The following MCC variants were observed in gnomAD, a reference collection of about 807,000 sequenced individuals.
MCC encodes the protein colorectal mutant cancer protein.
In MCC, 90 loss-of-function variants were observed where a neutral mutation model predicts 116.2. The observed-to-expected ratio is 0.77, with a 90% CI of 0.65 to 0.92. The LOEUF is 0.92. Among genes scored for constraint, MCC ranks in the 40% least tolerant of loss-of-function variants. The pLI is 0.00. For synonymous variants in MCC, 578 were observed against 510.5 expected (o/e 1.13, Z -1.78); for missense variants, 1,516 against 1,312.2 (o/e 1.16, Z -2.40).
chr5:113,290,818 G>C (rs1351231308), intron 3 of MCC, among the ~76,000 whole-genome samples: 1 of 152,116 alleles, frequency 6.6e-6, no homozygotes, highest in African/African-American at 2.4e-5. Context: ...TTTAGTTTTT[G>C]CAATGCTTTT....
chr5:113,128,830 T>A (rs1399268965), intron 5 of MCC, among the ~76,000 whole-genome samples: 2 of 152,240 alleles, frequency 1.3e-5, no homozygotes, highest in African/African-American at 4.8e-5. Context: ...CATGTTTTGC[T>A]GGCAGACAAG....
chr5:113,177,545 G>A (rs1395892466), intron 3 of MCC, among the ~76,000 whole-genome samples: 3 of 152,090 alleles, frequency 2.0e-5, no homozygotes, highest in African/African-American at 4.8e-5. Flanking sequence ...AAACAAAAAG[G>A]AGCACTGAAA....
At chr5:113,295,563 T>TGAAAGATGTCGATAGG (rs1232997052) in intron 3 of MCC, among the ~76,000 whole-genome samples, 10 of 152,094 alleles carry the variant, frequency 6.6e-5, no homozygotes, top group Non-Finnish European at 1.0e-4. Context: ...CCCCAGACCT[T>TGAAAGATGTCGATAGG]CCTTAATTGA....
chr5:113,063,935 G>T, intron 14 of MCC, 49 bp downstream of exon 14: 1 of 1,558,550 alleles, frequency 6.4e-7, no homozygotes, highest in Non-Finnish European at 8.7e-7. Context: ...CCAGTGAACA[G>T]ATGCCATGTG....
At chr5:113,402,121 C>T (rs183724126) in intron 1 of MCC, among the ~76,000 whole-genome samples, 122 of 151,990 alleles carry the variant, frequency 8.0e-4, no homozygotes, top group Non-Finnish European at 1.4e-3. Context: ...GGTGGAATCC[C>T]GTCTCTACTA....
chr5:113,201,387 CAAAAAA>C (rs68052804), intron 3 of MCC, among the ~76,000 whole-genome samples: 1 of 128,280 alleles, frequency 7.8e-6, no homozygotes, highest in Non-Finnish European at 1.6e-5. Flanking sequence ...ACGCCATCTC[CAAAAAA>C]AAAAAAAAAA....
intron 1 of MCC, among the ~76,000 whole-genome samples, chr5:113,442,271 CAT>C (rs1220073596): frequency 2.6e-5 from 4 of 152,148 alleles, no homozygotes; most frequent in African/African-American, 9.7e-5. Flanking sequence ...AGCATTTTTT[CAT>C]ATGTTTGTTG....
At chr5:113,486,432 G>C (rs1053413951) in intron 1 of MCC, among the ~76,000 whole-genome samples, 8 of 152,182 alleles carry the variant, frequency 5.3e-5, no homozygotes, top group Non-Finnish European at 1.2e-4. Context: ...CGAAAATAAT[G>C]TGAGCATTTA....
intron 3 of MCC, among the ~76,000 whole-genome samples, chr5:113,203,526 C>G (rs1370825854): frequency 6.6e-6 from 1 of 151,814 alleles, no homozygotes; most frequent in South Asian, 2.1e-4. Context: ...CTGACCTGCC[C>G]GGGGGGCCAC....
chr5:113,027,016 T>A lies in MCC; in HGVS notation c.*286A>T, dbSNP rs1260617315. 15 of 352,008 alleles carry A rather than the reference T, an allele frequency of 4.3e-5. No homozygotes were observed. Among genetic ancestry groups the A allele is most frequent in the East Asian group, 4.6e-5 (1 of 21,522 alleles). 21.8% of individuals were successfully genotyped at this position (352,008 alleles called of 1,614,324 possible). ...CCAGACCAGAAGAGGAGGGGGAGAG[T>A]GAGTGCTGAAAGCAGAAACGAGGCT... is the stretch of plus-strand genomic sequence containing the variant. On this transcript the variant is annotated 3_prime_UTR_variant, in exon 19 of 19. Coordinates refer to ENST00000408903, the MANE Select transcript of MCC (RefSeq NM_001085377.2).
intron 14 of MCC, among the ~76,000 whole-genome samples, chr5:113,061,413 C>T (rs1056416956): frequency 1.3e-5 from 2 of 152,206 alleles, no homozygotes; most frequent in Non-Finnish European, 2.9e-5. Context: ...TTCCTATTTC[C>T]ACTTCCTAAC....
intron 3 of MCC, among the ~76,000 whole-genome samples, chr5:113,286,538 T>C (rs1766269770): frequency 6.6e-6 from 1 of 152,244 alleles, no homozygotes; most frequent in South Asian, 2.1e-4. Context: ...ATAAGTCCTA[T>C]GCGCGTTCCA....
intron 1 of MCC, among the ~76,000 whole-genome samples, chr5:113,476,897 G>A (rs147731405): frequency 1.5e-3 from 232 of 152,290 alleles, no homozygotes; most frequent in Middle Eastern, 0.014. Flanking sequence ...TATGTAGTAC[G>A]TCAATTATAT....
chr5:113,333,828 T>TACATATGTACATATATGTAC, intron 3 of MCC, among the ~76,000 whole-genome samples: 1 of 12,288 alleles, frequency 8.1e-5, no homozygotes, highest in African/African-American at 1.2e-4. Flanking sequence ...TACATATATG[T>TACATATGTACATATATGTAC]ATATATGTAT....
At chr5:113,064,300 C>T (rs1001823793) in intron 13 of MCC, 133 bp from the exon 14 acceptor site, 35 of 750,462 alleles carry the variant, frequency 4.7e-5, no homozygotes, top group South Asian at 1.9e-4. Flanking sequence ...AGTGCCCAGC[C>T]GAAGAGAAGA....
intron 3 of MCC, among the ~76,000 whole-genome samples, chr5:113,266,158 A>G (rs897745678): frequency 2.6e-5 from 4 of 152,076 alleles, no homozygotes; most frequent in African/African-American, 7.2e-5. Flanking sequence ...AAAAATAACT[A>G]TATTATTTTG....
At chr5:113,233,375 T>G (rs1053986193) in intron 3 of MCC, among the ~76,000 whole-genome samples, 10 of 152,302 alleles carry the variant, frequency 6.6e-5, no homozygotes, top group African/African-American at 2.4e-4. Context: ...CTACCCCAAA[T>G]GCCTCTCAAT....
At chr5:113,182,058 T>C (rs187906773) in intron 3 of MCC, among the ~76,000 whole-genome samples, 140 of 152,290 alleles carry the variant, frequency 9.2e-4, no homozygotes, top group African/African-American at 3.0e-3. Context: ...TGGGTTTAGC[T>C]GGAAGCATCC....
At chr5:113,326,146 A>G (rs1767545517) in intron 3 of MCC, among the ~76,000 whole-genome samples, 1 of 152,222 alleles carries the variant, frequency 6.6e-6, no homozygotes, top group Non-Finnish European at 1.5e-5. Context: ...TTAAGTATGA[A>G]TCAAGACAAC....
Sources: gnomAD v4.1 joint callset for allele counts (sites outside exome capture counted in the v4.1 genomes callset) on GRCh38, gnomAD v4.1.1 for gene constraint, MANE v1.5 for transcripts, NCBI Gene and HGNC (gene_info 2026-07-23, HGNC 2026-07-21) for gene names.